Variants in FRMPD4 observed in about 807,000 individuals in gnomAD.
FRMPD4 encodes FERM and PDZ domain-containing protein 4.
A neutral mutation model predicts 94.1 loss-of-function variants in FRMPD4; 22 were observed. The ratio of observed to expected loss-of-function variants is 0.23; its 90% confidence interval spans 0.17 to 0.33. The LOEUF is 0.33. Ranked by LOEUF, FRMPD4 falls within the 10% of genes least tolerant of loss-of-function variation. The probability of loss-of-function intolerance (pLI) is 1.00; values close to 1 mark genes in which losing one functional copy is unlikely to be tolerated. For synonymous variants in FRMPD4, 631 were observed against 548.6 expected (o/e 1.15, Z -2.10); for missense variants, 1,111 against 1,339.9 (o/e 0.83, Z 2.67).
chrX:12,342,492 C>T (rs1342965680), intron 1 of FRMPD4, among the ~76,000 whole-genome samples: 1 of 111,625 alleles, frequency 9.0e-6, no homozygotes, highest in Non-Finnish European at 1.9e-5. Flanking sequence ...GAACCGGTGC[C>T]CTTGATGGGG....
chrX:12,706,238 C>A (rs769888110), intron 11 of FRMPD4, among the ~76,000 whole-genome samples: 1 of 111,780 alleles, frequency 8.9e-6, no homozygotes, highest in African/African-American at 3.3e-5. Context: ...TAAAACAGAG[C>A]CTTATTTAGC....
chrX:12,409,988 T>C (rs1261549797), intron 1 of FRMPD4, among the ~76,000 whole-genome samples: 2 of 112,019 alleles, frequency 1.8e-5, no homozygotes, highest in Non-Finnish European at 3.8e-5. Flanking sequence ...CCTTTTTTCT[T>C]TCCTGAATTT....
rs184390044 is a variant in FRMPD4 at position 12,556,375 on chromosome X, C to T, written c.159-53346C>T. Among the ~76,000 whole-genome samples the T allele has an allele frequency of 7.3e-4, 81 of 110,621 alleles. No homozygotes were observed. In the East Asian group the frequency reaches 0.021, roughly 29 times the overall value. On this transcript the variant is annotated intron_variant, in intron 2 of 16. Transcript: ENST00000675598. The stretch of plus-strand genomic sequence containing the variant: ...TAAAGAGACTCCAAGCAGCAGAGAC[C>T]CTCTTGCTGACCTCAAAGAAACAAA...
intron 13 of FRMPD4, among the ~76,000 whole-genome samples, chrX:12,708,327 G>T (rs6641079): frequency 1.8e-5 from 2 of 109,497 alleles, no homozygotes; most frequent in African/African-American, 6.7e-5. Context: ...AAAATTAGCC[G>T]GGCGTGGTGG....
intron 2 of FRMPD4, among the ~76,000 whole-genome samples, chrX:11,867,125 C>T (rs1403072432): frequency 9.0e-6 from 1 of 111,239 alleles, no homozygotes; most frequent in Non-Finnish European, 1.9e-5. Flanking sequence ...ATCTCTATAG[C>T]TGTATATATT....
At chrX:12,163,499 C>G (rs1218817834) in intron 1 of FRMPD4, among the ~76,000 whole-genome samples, 2 of 98,216 alleles carry the variant, frequency 2.0e-5, no homozygotes, top group African/African-American at 3.8e-5. Context: ...TAGAGTGGCT[C>G]TTGAGACCTT....
At chrX:12,061,251 G>T (rs2054884367) in intron 3 of FRMPD4, among the ~76,000 whole-genome samples, 1 of 111,645 alleles carries the variant, frequency 9.0e-6, no homozygotes, top group South Asian at 3.8e-4. Flanking sequence ...TGCAGACTTG[G>T]GTGAGTGAGT....
chrX:11,930,929 G>T (rs1335055188), intron 3 of FRMPD4, among the ~76,000 whole-genome samples: 1 of 110,965 alleles, frequency 9.0e-6, no homozygotes, highest in Non-Finnish European at 1.9e-5. Context: ...GAAGTGTAGT[G>T]GGGATGAAGC....
At chrX:12,185,012 A>G (rs1412403311) in intron 1 of FRMPD4, among the ~76,000 whole-genome samples, 1 of 111,764 alleles carries the variant, frequency 8.9e-6, no homozygotes, top group Non-Finnish European at 1.9e-5. Context: ...ACTGTTTGTA[A>G]CACAAAGGAT....
chrX:12,096,978 G>C (rs1445146772), intron 3 of FRMPD4, among the ~76,000 whole-genome samples: 1 of 111,619 alleles, frequency 9.0e-6, no homozygotes, highest in Non-Finnish European at 1.9e-5. Flanking sequence ...CAAAAAAAAA[G>C]TGAAAGGAAT....
At chrX:12,675,424 TAAAA>T (rs61184913) in intron 5 of FRMPD4, among the ~76,000 whole-genome samples, 228 of 89,791 alleles carry the variant, frequency 2.5e-3, no homozygotes, top group African/African-American at 4.9e-3. Context: ...TCTTGTGATT[TAAAA>T]AAAAAAAAAA....
chrX:12,227,679 T>C (rs2056936981), intron 1 of FRMPD4, among the ~76,000 whole-genome samples: 1 of 111,208 alleles, frequency 9.0e-6, no homozygotes, highest in Non-Finnish European at 1.9e-5. Context: ...CATGTGCCTG[T>C]GGTCCCAGCT....
intron 1 of FRMPD4, among the ~76,000 whole-genome samples, chrX:12,228,885 A>G (rs191977607): frequency 8.9e-5 from 10 of 112,016 alleles, no homozygotes; most frequent in African/African-American, 3.2e-4. Flanking sequence ...GTAAAATATT[A>G]AGAATGTGGT....
intron 4 of FRMPD4, among the ~76,000 whole-genome samples, chrX:12,619,933 C>T (rs2059272249): frequency 8.9e-6 from 1 of 112,710 alleles, no homozygotes; most frequent in Non-Finnish European, 1.9e-5. Context: ...TCGTGCCCAC[C>T]CAGGGACACC....
intron 4 of FRMPD4, among the ~76,000 whole-genome samples, chrX:12,640,318 A>AG (rs57565018): frequency 7.1e-5 from 7 of 98,034 alleles, no homozygotes; most frequent in African/African-American, 2.7e-4. Context: ...AAAAAAAAAA[A>AG]AAAAGGTAGT....
chrX:12,004,769 G>A (rs1306784755), intron 3 of FRMPD4, among the ~76,000 whole-genome samples: 1 of 103,949 alleles, frequency 9.6e-6, no homozygotes, highest in Non-Finnish European at 2.0e-5. Flanking sequence ...TAAACGTTCT[G>A]TCCAGCCCAA....
At chrX:12,682,563 TAAAC>T (rs1265598749) in intron 5 of FRMPD4, among the ~76,000 whole-genome samples, 2 of 112,730 alleles carry the variant, frequency 1.8e-5, no homozygotes, top group African/African-American at 6.4e-5. Flanking sequence ...TTTTTAAAAA[TAAAC>T]AAACAATGCC....
intron 1 of FRMPD4, among the ~76,000 whole-genome samples, chrX:12,232,435 G>A (rs772096928): frequency 7.7e-4 from 85 of 110,920 alleles, no homozygotes; most frequent in African/African-American, 2.7e-3. Context: ...ATTAGATCTC[G>A]TGAGAACTTA....
At chrX:12,539,236 A>G (rs773987730) in intron 2 of FRMPD4, among the ~76,000 whole-genome samples, 2 of 112,042 alleles carry the variant, frequency 1.8e-5, no homozygotes, top group South Asian at 3.7e-4. Flanking sequence ...AAGTTTAGAG[A>G]AAAAAACAGT....
Sources: gnomAD v4.1 joint callset for allele counts (sites outside exome capture counted in the v4.1 genomes callset) on GRCh38, gnomAD v4.1.1 for gene constraint, MANE v1.5 for transcripts, NCBI Gene and HGNC (gene_info 2026-07-23, HGNC 2026-07-21) for gene names.